The following CNTN3 variants were observed in gnomAD, a reference collection of about 807,000 sequenced individuals.
The protein encoded by CNTN3 is contactin 3, also known as contactin-3.
In CNTN3, 60 loss-of-function variants were observed where a neutral mutation model predicts 119.1. The ratio of observed to expected loss-of-function variants is 0.50; its 90% CI spans 0.41 to 0.62. CNTN3 has a LOEUF of 0.62. CNTN3 is among the 20% of genes least tolerant of loss of function. The probability of loss-of-function intolerance (pLI) is 0.00; values close to 1 mark genes in which losing one functional copy is unlikely to be tolerated. For synonymous variants in CNTN3, 450 were observed against 438.7 expected (o/e 1.03, Z -0.32); for missense variants, 1,101 against 1,242.4 (o/e 0.89, Z 1.71).
At chr3:74,478,100 C>A (rs1056742466) in intron 4 of CNTN3, among the ~76,000 whole-genome samples, 2 of 152,022 alleles carry the variant, frequency 1.3e-5, no homozygotes, top group African/African-American at 4.8e-5. Flanking sequence ...AATAGAAGAA[C>A]AAAGTACAAA....
At position 74,540,413 on chromosome 3, in the gene CNTN3, T is replaced by A. The variant is rs71319856; in HGVS notation, c.-80-19221A>T. On this transcript the variant is annotated intron_variant, in intron 1 of 22. Transcript: ENST00000263665. ...AATGAATTGGTCTGATTTGGGCACTTAGAATATGTCTTCTTTGTTTTTTCT... is the reference window on the plus strand; with the variant it reads ...AATGAATTGGTCTGATTTGGGCACTAAGAATATGTCTTCTTTGTTTTTTCT... Among the ~76,000 whole-genome samples, 1,374 of 152,250 alleles carry A rather than the reference T, an allele frequency of 9.0e-3. 7 individuals are homozygous for A. Among genetic ancestry groups the A allele is most frequent in the Non-Finnish European group, 0.016 (1,060 of 68,010 alleles).
chr3:74,571,781 C>T (rs550578256), intron 1 of CNTN3, among the ~76,000 whole-genome samples: 28 of 152,236 alleles, frequency 1.8e-4, no homozygotes, highest in Admixed American at 1.8e-3. Context: ...ACTTATAGAA[C>T]TTGGGATCGC....
intron 5 of CNTN3, among the ~76,000 whole-genome samples, chr3:74,400,949 T>C (rs1216997197): frequency 2.0e-5 from 3 of 152,130 alleles, no homozygotes; most frequent in South Asian, 2.1e-4. Flanking sequence ...AGTTATAAGA[T>C]CAAAGCAAAG....
chr3:74,275,405 C>T (rs1701860251), intron 20 of CNTN3, among the ~76,000 whole-genome samples: 1 of 152,122 alleles, frequency 6.6e-6, no homozygotes, highest in African/African-American at 2.4e-5. Context: ...GACAAAAGCA[C>T]CAGGTAACCT....
chr3:74,323,756 C>T (rs563916524), intron 13 of CNTN3, among the ~76,000 whole-genome samples: 1 of 152,088 alleles, frequency 6.6e-6, no homozygotes, highest in Non-Finnish European at 1.5e-5. Context: ...TGACTTCAGG[C>T]TCCTTTTGCA....
chr3:74,268,612 G>GTA (rs1701708665), intron 20 of CNTN3, among the ~76,000 whole-genome samples: 2 of 151,918 alleles, frequency 1.3e-5, no homozygotes, highest in African/African-American at 2.4e-5. Flanking sequence ...TCTGTGATGT[G>GTA]AGTATTCACA....
At chr3:74,279,310 C>T (rs1052717962) in intron 20 of CNTN3, among the ~76,000 whole-genome samples, 1 of 152,174 alleles carries the variant, frequency 6.6e-6, no homozygotes, top group Non-Finnish European at 1.5e-5. Flanking sequence ...CTTGCACATG[C>T]ATGTTTATAG....
chr3:74,569,940 C>T (rs1020822639), intron 1 of CNTN3, among the ~76,000 whole-genome samples: 11 of 152,068 alleles, frequency 7.2e-5, no homozygotes, highest in Non-Finnish European at 1.3e-4. Flanking sequence ...ATCTTACTAC[C>T]ATAGGATGCA....
Position 74,595,342 on chromosome 3 carries a change from G to C in CNTN3, c.-81+19049C>G, listed in dbSNP as rs1261477564. On this transcript the variant is annotated intron_variant, in intron 1 of 22. Transcript: ENST00000263665. Reference sequence around the variant, plus strand: ...TTTGGCTTTTGTTGCCATTGCTTTTGGTGTTTTAGACATGAAGTCCTTGCC... The same window carrying C: ...TTTGGCTTTTGTTGCCATTGCTTTTCGTGTTTTAGACATGAAGTCCTTGCC... Among the ~76,000 whole-genome samples the C allele has an allele frequency of 7.3e-5, 11 of 151,560 alleles. No individual in the cohort carries two copies. The East Asian group carries it at 7.8e-4, about 11-fold the overall frequency.
intron 2 of CNTN3, among the ~76,000 whole-genome samples, chr3:74,502,190 C>A (rs150468574): frequency 6.6e-6 from 1 of 151,850 alleles, no homozygotes; most frequent in South Asian, 2.1e-4. Flanking sequence ...AATGCATTAA[C>A]ATAATGGTAT....
chr3:74,586,747 C>T (rs1360515854), intron 1 of CNTN3, among the ~76,000 whole-genome samples: 3 of 152,022 alleles, frequency 2.0e-5, no homozygotes, highest in South Asian at 2.1e-4. Context: ...AGTTAGTACA[C>T]GTTATCTACT....
At chr3:74,599,392 A>ACC (rs1704870841) in intron 1 of CNTN3, among the ~76,000 whole-genome samples, 1 of 152,100 alleles carries the variant, frequency 6.6e-6, no homozygotes, top group Non-Finnish European at 1.5e-5. Flanking sequence ...AGTAAGAATG[A>ACC]CCCAGGTCAG....
chr3:74,311,946 T>A (rs1702693841), intron 13 of CNTN3, among the ~76,000 whole-genome samples: 2 of 150,466 alleles, frequency 1.3e-5, no homozygotes, highest in Admixed American at 1.3e-4. Context: ...ATTGAGTAAT[T>A]GCTGGAAGTT....
At chr3:74,318,959 G>T (rs1376715246) in intron 13 of CNTN3, among the ~76,000 whole-genome samples, 1 of 151,998 alleles carries the variant, frequency 6.6e-6, no homozygotes, top group Non-Finnish European at 1.5e-5. Context: ...AACTTACAAG[G>T]GATATGAAGG....
At chr3:74,352,903 A>T (rs1451893361) in intron 11 of CNTN3, among the ~76,000 whole-genome samples, 1 of 152,188 alleles carries the variant, frequency 6.6e-6, no homozygotes, top group Non-Finnish European at 1.5e-5. Flanking sequence ...CCTACCTGAC[A>T]GTTGCGAGGG....
intron 11 of CNTN3, among the ~76,000 whole-genome samples, chr3:74,339,351 C>T (rs1238631782): frequency 6.6e-6 from 1 of 152,086 alleles, no homozygotes; most frequent in Non-Finnish European, 1.5e-5. Flanking sequence ...AATTCTTTTC[C>T]TTGCTTGCTT....
intron 5 of CNTN3, among the ~76,000 whole-genome samples, chr3:74,419,977 A>G (rs192685099): frequency 9.2e-5 from 14 of 152,290 alleles, no homozygotes; most frequent in Non-Finnish European, 1.5e-5. Flanking sequence ...TGATAACTAG[A>G]TTAATAATTA....
chr3:74,564,165 C>A (rs1704193906), intron 1 of CNTN3, among the ~76,000 whole-genome samples: 1 of 152,042 alleles, frequency 6.6e-6, no homozygotes, highest in South Asian at 2.1e-4. Flanking sequence ...GGAGTCCCAT[C>A]CCAGCAAGGT....
intron 5 of CNTN3, among the ~76,000 whole-genome samples, chr3:74,392,406 G>A (rs947788387): frequency 2.7e-5 from 4 of 150,726 alleles, no homozygotes; most frequent in Non-Finnish European, 5.9e-5. Context: ...CTTCCACCCT[G>A]CTTCTTCTTT....
Sources: allele counts gnomAD v4.1 joint callset (sites outside exome capture counted in the v4.1 genomes callset), GRCh38; gene constraint gnomAD v4.1.1; transcripts MANE v1.5; gene names NCBI Gene and HGNC (gene_info 2026-07-23, HGNC 2026-07-21).